The following PPFIBP1 variants were observed in gnomAD, a reference collection of about 807,000 sequenced individuals.
The protein encoded by PPFIBP1 is liprin-beta-1.
Under a neutral mutation model 137.8 loss-of-function variants are expected in PPFIBP1, and 112 were observed. The ratio of observed to expected loss-of-function variants is 0.81; its 90% CI spans 0.70 to 0.95. PPFIBP1 has a LOEUF of 0.95. Among genes scored for constraint, PPFIBP1 ranks in the 40% least tolerant of loss-of-function variants. The probability of loss-of-function intolerance (pLI) is 0.00; values close to 1 mark genes in which losing one functional copy is unlikely to be tolerated. For missense variants in PPFIBP1, 1,083 were observed against 1,196.6 expected (o/e 0.91, Z 1.40); for synonymous variants, 378 against 417.3 (o/e 0.91, Z 1.15).
intron 2 of PPFIBP1, chr12:27,592,704 C>A (rs733584): frequency 0.24 from 296,087 of 1,231,540 alleles, 36,832 homozygotes; most frequent in Middle Eastern, 0.28. Context: ...GGATTGAGAT[C>A]TCTGGAGCAC....
chr12:27,609,705 T>A (rs1036905606), intron 2 of PPFIBP1, among the ~76,000 whole-genome samples: 4 of 152,188 alleles, frequency 2.6e-5, no homozygotes, highest in African/African-American at 9.7e-5. Context: ...CTGCATGACA[T>A]GGCCTCACCC....
intron 2 of PPFIBP1, among the ~76,000 whole-genome samples, chr12:27,591,356 T>A (rs955641178): frequency 6.6e-6 from 1 of 151,412 alleles, no homozygotes; most frequent in Non-Finnish European, 1.5e-5. Context: ...AAGGTGAGAG[T>A]CAGGACAAGA....
At chr12:27,647,122 C>T (rs2058559849) in intron 5 of PPFIBP1, among the ~76,000 whole-genome samples, 1 of 152,236 alleles carries the variant, frequency 6.6e-6, no homozygotes, top group Admixed American at 6.5e-5. Flanking sequence ...CTGCCTCAGC[C>T]TCCTGAGTAA....
chr12:27,586,919 A>T (rs1465465304), intron 2 of PPFIBP1, among the ~76,000 whole-genome samples: 1 of 152,212 alleles, frequency 6.6e-6, no homozygotes, highest in African/African-American at 2.4e-5. Flanking sequence ...AATTTAAAAG[A>T]TGGTATTTTG....
chr12:27,659,207 G>C (rs2059394822), intron 10 of PPFIBP1, among the ~76,000 whole-genome samples: 1 of 152,182 alleles, frequency 6.6e-6, no homozygotes, highest in African/African-American at 2.4e-5. Flanking sequence ...AGAGTTGAAA[G>C]ATAATTTTGA....
chr12:27,592,373 G>A (rs780260966), intron 2 of PPFIBP1: 4 of 572,276 alleles, frequency 7.0e-6, no homozygotes, highest in Non-Finnish European at 1.2e-5. Context: ...TTTGTTTATT[G>A]AGGAAAAAAT....
Position 27,660,945 on chromosome 12 carries a change from G to A in PPFIBP1, c.906G>A (p.Lys302=), listed in dbSNP as rs1446205497. 8.7e-6 allele frequency: 14 copies of A among 1,612,526 alleles called. No homozygotes were observed. Among genetic ancestry groups the A allele is most frequent in the Non-Finnish European group, 1.2e-5 (14 of 1,179,448 alleles). The change falls in exon 11 of 30, where the codon AAG becomes AAA. Residue 302 remains lysine, a splice_region_variant and synonymous_variant. Transcript: ENST00000228425. ...CCTTGATGGCAGCAAATGAAGAAAA[G>A]GTATCCAGATGAAATTTAAATATAC... ...VESLMAANEE[K]DRKIEDLRQC... is the part of the protein sequence containing the mutation.
chr12:27,670,509 G>A (rs2060112217), intron 13 of PPFIBP1, among the ~76,000 whole-genome samples: 1 of 152,174 alleles, frequency 6.6e-6, no homozygotes, highest in African/African-American at 2.4e-5. Flanking sequence ...GCTGGGCACA[G>A]TGGCTCATGC....
intron 2 of PPFIBP1, among the ~76,000 whole-genome samples, chr12:27,600,901 T>C (rs1217447099): frequency 6.6e-6 from 1 of 152,204 alleles, no homozygotes; most frequent in East Asian, 1.9e-4. Flanking sequence ...TACATATATA[T>C]TGTGGAATGG....
intron 1 of PPFIBP1, among the ~76,000 whole-genome samples, chr12:27,535,629 A>C (rs929066257): frequency 6.6e-6 from 1 of 151,982 alleles, no homozygotes; most frequent in Non-Finnish European, 1.5e-5. Context: ...GAAATCCTGG[A>C]CTCGAGCAAT....
intron 2 of PPFIBP1, among the ~76,000 whole-genome samples, chr12:27,596,279 GA>G (rs1274316022): frequency 1.3e-5 from 2 of 152,078 alleles, no homozygotes; most frequent in Non-Finnish European, 2.9e-5. Context: ...TTTCACTGTA[GA>G]ACTGGCTTAA....
At chr12:27,634,139 CTTTTTT>C (rs375816732) in intron 3 of PPFIBP1, among the ~76,000 whole-genome samples, 283 of 111,610 alleles carry the variant, frequency 2.5e-3, no homozygotes, top group African/African-American at 9.3e-3. Flanking sequence ...CCGGCCATAT[CTTTTTT>C]TTTTTTTTTT....
intron 2 of PPFIBP1, among the ~76,000 whole-genome samples, chr12:27,581,439 G>A (rs1321725786): frequency 6.6e-6 from 1 of 152,172 alleles, no homozygotes; most frequent in South Asian, 2.1e-4. Context: ...AAGGCTGTGG[G>A]ACTGTATGGT....
intron 1 of PPFIBP1, among the ~76,000 whole-genome samples, chr12:27,572,720 T>A (rs1022609949): frequency 2.0e-5 from 3 of 152,172 alleles, no homozygotes; most frequent in African/African-American, 4.8e-5. Flanking sequence ...TGAGCTAGTA[T>A]TTACAACACA....
intron 1 of PPFIBP1, among the ~76,000 whole-genome samples, chr12:27,563,498 G>GAAGA (rs2049359797): frequency 6.7e-6 from 1 of 148,994 alleles, no homozygotes; most frequent in Admixed American, 6.7e-5. Flanking sequence ...CAGAGATGAG[G>GAAGA]CAGAAGAGGG....
intron 15 of PPFIBP1, 97 bp downstream of exon 15, chr12:27,672,580 G>A (rs563836871): frequency 7.5e-6 from 7 of 929,386 alleles, no homozygotes; most frequent in Admixed American, 2.3e-5. Flanking sequence ...GCAAATGACC[G>A]AGGCTGTTAA....
At chr12:27,678,505 G>A (rs548192397) in intron 19 of PPFIBP1, among the ~76,000 whole-genome samples, 1 of 152,188 alleles carries the variant, frequency 6.6e-6, no homozygotes, top group Non-Finnish European at 1.5e-5. Flanking sequence ...ATGACATAGA[G>A]TCTGAGCTAG....
chr12:27,662,940 C>G (rs975515641), intron 11 of PPFIBP1, among the ~76,000 whole-genome samples: 5 of 152,306 alleles, frequency 3.3e-5, no homozygotes, highest in Admixed American at 3.3e-4. Context: ...TATTATTTCT[C>G]ATACTTCTGT....
chr12:27,594,739 G>A (rs1396759666), intron 2 of PPFIBP1, among the ~76,000 whole-genome samples: 1 of 152,096 alleles, frequency 6.6e-6, no homozygotes, highest in African/African-American at 2.4e-5. Context: ...AACATGCCAT[G>A]GTCCTACCTT....
Sources: gnomAD v4.1 joint callset for allele counts (sites outside exome capture counted in the v4.1 genomes callset) on GRCh38, gnomAD v4.1.1 for gene constraint, MANE v1.5 for transcripts, NCBI Gene and HGNC (gene_info 2026-07-23, HGNC 2026-07-21) for gene names.